The following LTBP1 variants were observed in gnomAD, a reference collection of about 807,000 sequenced individuals.
LTBP1 encodes the protein latent-transforming growth factor beta-binding protein 1.
In LTBP1, 129 loss-of-function variants were observed where a neutral mutation model predicts 207.6. That is an observed-to-expected ratio of 0.62 (90% CI 0.54 to 0.72). The LOEUF is 0.72. Among genes scored for constraint, LTBP1 ranks in the 30% least tolerant of loss-of-function variants. LTBP1 has a pLI of 0.00. For synonymous variants in LTBP1, 963 were observed against 833.7 expected (o/e 1.16, Z -2.67); for missense variants, 2,281 against 2,217.2 (o/e 1.03, Z -0.58).
Position 33,296,471 on chromosome 2 carries a change from G to C in LTBP1, c.3235+3189G>C, listed in dbSNP as rs564054677. 2.0e-5 allele frequency among the ~76,000 whole-genome samples: 3 copies of C among 152,152 alleles called. No individual in the cohort carries two copies. The East Asian group carries it at 5.8e-4, about 30-fold the overall frequency. On this transcript the variant is annotated intron_variant, in intron 20 of 33. Transcript: ENST00000404816. ...CTGCTTACCTGATGTGGCTCTTCCA[G>C]TGGTTCATGGTATGACCTTGGGTGA...
At chr2:33,054,455 C>G (rs2076891243) in intron 3 of LTBP1, among the ~76,000 whole-genome samples, 1 of 152,272 alleles carries the variant, frequency 6.6e-6, no homozygotes, top group Admixed American at 6.5e-5. Flanking sequence ...AGGGTTGATT[C>G]CCTCCTCAAG....
intron 5 of LTBP1, among the ~76,000 whole-genome samples, chr2:33,140,785 G>A (rs140112743): frequency 0.047 from 7,156 of 150,858 alleles, 242 homozygotes; most frequent in Middle Eastern, 0.15. Flanking sequence ...CTCCTGCCTC[G>A]GCCTCTCGAG....
chr2:33,253,531 C>T (rs987750602), intron 11 of LTBP1, among the ~76,000 whole-genome samples: 2 of 152,096 alleles, frequency 1.3e-5, no homozygotes, highest in Non-Finnish European at 2.9e-5. Flanking sequence ...GAAATGTAAC[C>T]TGAAAGCGTT....
chr2:33,182,672 AG>A lies in LTBP1; in HGVS notation c.1202-4183del, dbSNP rs1436933057. Among the ~76,000 whole-genome samples the A allele has an allele frequency of 3.6e-4, 18 of 49,900 alleles. 1 individual carries two copies. Among genetic ancestry groups the A allele is most frequent in the Non-Finnish European group, 5.5e-4 (11 of 19,832 alleles). 32.7% of individuals were successfully genotyped at this position (49,900 alleles called of 152,430 possible). On this transcript the variant is annotated intron_variant, in intron 5 of 33. Coordinates refer to ENST00000404816, the MANE Select transcript of LTBP1 (RefSeq NM_206943.4). Reference sequence around the variant, plus strand: ...GTGAGACCCTGTCTCAAAAAAAAAAAGAAGAAAAGATGGTGATATATATATA... The same window carrying A: ...GTGAGACCCTGTCTCAAAAAAAAAAAAAGAAAAGATGGTGATATATATATA...
intron 32 of LTBP1, among the ~76,000 whole-genome samples, chr2:33,395,496 T>A (rs1370211131): frequency 6.6e-6 from 1 of 152,204 alleles, no homozygotes; most frequent in African/African-American, 2.4e-5. Context: ...ACTTATTGTA[T>A]ATTTTTCGGT....
chr2:32,979,554 T>C (rs1186594131), intron 2 of LTBP1, among the ~76,000 whole-genome samples: 2 of 152,130 alleles, frequency 1.3e-5, no homozygotes, highest in Admixed American at 1.3e-4. Flanking sequence ...TCAGAGAAAA[T>C]ACTTAATATA....
chr2:33,126,050 G>T (rs780326040), intron 4 of LTBP1, among the ~76,000 whole-genome samples: 2 of 152,012 alleles, frequency 1.3e-5, no homozygotes, highest in Non-Finnish European at 2.9e-5. Flanking sequence ...TGTGACTGTT[G>T]GCAGGAGATT....
chr2:33,006,543 C>G (rs910045860), intron 2 of LTBP1, among the ~76,000 whole-genome samples: 2 of 151,504 alleles, frequency 1.3e-5, no homozygotes, highest in Non-Finnish European at 2.9e-5. Context: ...GCCACCACAC[C>G]CGGCTAATTT....
rs565249174 is a variant in LTBP1, at chr2:33,187,098, C to T, written c.1426+18C>T. 27 of 1,607,486 alleles carry T rather than the reference C, an allele frequency of 1.7e-5. No individual in the cohort carries two copies. The highest frequency in any genetic ancestry group is 6.7e-5 in the East Asian group (3 of 44,796). On this transcript the variant is annotated intron_variant, in intron 6 of 33. Coordinates refer to ENST00000404816, the MANE Select transcript of LTBP1 (RefSeq NM_206943.4). ...AGTCAAAGGTAAGCTTTTTTCATTCCGCCCATTTGCCAGACCTCTGTTAAC... is the reference window on the plus strand; with the variant it reads ...AGTCAAAGGTAAGCTTTTTTCATTCTGCCCATTTGCCAGACCTCTGTTAAC...
chr2:33,243,266 G>A (rs1442963193), intron 9 of LTBP1, among the ~76,000 whole-genome samples: 3 of 152,164 alleles, frequency 2.0e-5, no homozygotes, highest in African/African-American at 7.2e-5. Context: ...GACTTGGACT[G>A]CTTTTCACTT....
intron 3 of LTBP1, among the ~76,000 whole-genome samples, chr2:33,105,446 T>C (rs2080009679): frequency 6.6e-6 from 1 of 152,084 alleles, no homozygotes; most frequent in Non-Finnish European, 1.5e-5. Context: ...TTCTGCTTTT[T>C]TTTTTTTTGA....
chr2:32,953,975 G>A (rs1391309610), intron 2 of LTBP1, among the ~76,000 whole-genome samples: 1 of 152,170 alleles, frequency 6.6e-6, no homozygotes, highest in African/African-American at 2.4e-5. Flanking sequence ...AGCTGCCGAT[G>A]GGGTGGGGGT....
chr2:33,309,007 GT>G (rs2094141070), intron 22 of LTBP1, among the ~76,000 whole-genome samples: 1 of 152,048 alleles, frequency 6.6e-6, no homozygotes, highest in South Asian at 2.1e-4. Flanking sequence ...TCTTGGCCAG[GT>G]GTGGTGGCTC....
At chr2:33,244,858 T>G (rs2092454923) in intron 10 of LTBP1, among the ~76,000 whole-genome samples, 1 of 123,244 alleles carries the variant, frequency 8.1e-6, no homozygotes, top group African/African-American at 3.1e-5. Flanking sequence ...AAGTTTTTGT[T>G]TTTATCTATC....
chr2:33,396,128 G>A (rs1468934238), intron 32 of LTBP1, among the ~76,000 whole-genome samples: 2 of 151,900 alleles, frequency 1.3e-5, no homozygotes, highest in Admixed American at 6.6e-5. Context: ...TATAAAAAGA[G>A]CCAAACAAGA....
chr2:32,978,161 AC>A (rs1158058656), intron 2 of LTBP1, among the ~76,000 whole-genome samples: 2 of 152,148 alleles, frequency 1.3e-5, no homozygotes, highest in African/African-American at 4.8e-5. Flanking sequence ...TCATCTGCAA[AC>A]AAGGATAATT....
intron 2 of LTBP1, 131 bp downstream of exon 2, chr2:32,949,076 G>T (rs1676711518): frequency 3.6e-6 from 3 of 822,884 alleles, no homozygotes; most frequent in Non-Finnish European, 6.1e-6. Context: ...ATCCACCCAG[G>T]CTTCATTACC....
intron 26 of LTBP1, among the ~76,000 whole-genome samples, chr2:33,349,663 AT>A (rs2094753268): frequency 6.6e-6 from 1 of 152,144 alleles, no homozygotes; most frequent in African/African-American, 2.4e-5. Flanking sequence ...GTTTTTCTCA[AT>A]TTTTTACACT....
At chr2:33,300,820 C>T (rs1458389817) in intron 21 of LTBP1, among the ~76,000 whole-genome samples, 1 of 152,134 alleles carries the variant, frequency 6.6e-6, no homozygotes, top group East Asian at 1.9e-4. Flanking sequence ...AAAATTATTG[C>T]TTTCTGTGTA....
Sources: gnomAD v4.1 joint callset for allele counts (sites outside exome capture counted in the v4.1 genomes callset) on GRCh38, gnomAD v4.1.1 for gene constraint, MANE v1.5 for transcripts, NCBI Gene and HGNC (gene_info 2026-07-23, HGNC 2026-07-21) for gene names.